The following AIFM3 variants were observed in gnomAD, a reference collection of about 807,000 sequenced individuals.
The protein encoded by AIFM3 is apoptosis-inducing factor 3.
Under a neutral mutation model 82.7 loss-of-function variants are expected in AIFM3, and 71 were observed. The observed-to-expected ratio is 0.86, with a 90% CI of 0.71 to 1.05. The LOEUF is 1.05. Among genes scored for constraint, AIFM3 ranks in the 50% least tolerant of loss-of-function variants. AIFM3 has a pLI of 0.00. For missense variants in AIFM3, 748 were observed against 816.7 expected (o/e 0.92, Z 1.03); for synonymous variants, 337 against 329.1 (o/e 1.02, Z -0.26).
rs1464730105 is a variant in AIFM3, at chr22:20,981,223, G to A, written c.*192G>A. The A allele has an allele frequency of 2.2e-5, 15 of 682,724 alleles. No individual in the cohort carries two copies. In the East Asian group the frequency reaches 3.6e-4, roughly 16 times the overall value. 42.3% of individuals were successfully genotyped at this position (682,724 alleles called of 1,614,324 possible). On this transcript the variant is annotated 3_prime_UTR_variant, in exon 21 of 21. Coordinates refer to ENST00000440238, the MANE Select transcript of AIFM3 (RefSeq NM_001386814.1). ...ATCCAGAAGATGCTCAACCCTCAAG[G>A]CCTCTGCTGCCACTGACAGCTGGCA...
chr22:20,974,656 A>G (rs1380909178), intron 7 of AIFM3, 35 bp downstream of exon 7: 6 of 1,613,086 alleles, frequency 3.7e-6, no homozygotes, highest in Non-Finnish European at 5.1e-6. Flanking sequence ...AGGGTGGGAG[A>G]TGGGATTGGT....
At chr22:20,977,342 G>A (rs188483521) in intron 14 of AIFM3, 102 of 611,762 alleles carry the variant, frequency 1.7e-4, no homozygotes, top group Admixed American at 1.5e-3. Context: ...CATGCCCTGC[G>A]AGAGTTGACA....
chr22:20,966,994 G>A (rs913314257), upstream of AIFM3: 5 of 153,390 alleles, frequency 3.3e-5, no homozygotes, highest in Non-Finnish European at 5.8e-5. Context: ...TCGGGGGTAG[G>A]GGGAGCTTAT....
rs1923441097 is a variant in AIFM3 at position 20,973,881 on chromosome 22, T to A, written c.355+14T>A. ...CCCTGGTGAAAGGTGAGCTGTCAGG[T>A]GGGAGGCGTGAGGGGGACCTTCCAG... On this transcript the variant is annotated intron_variant, in intron 4 of 20. Coordinates refer to ENST00000440238, the MANE Select transcript of AIFM3 (RefSeq NM_001386814.1). 1 of 1,512,738 alleles carries A rather than the reference T, an allele frequency of 6.6e-7. No individual in the cohort carries two copies. Among genetic ancestry groups the A allele is most frequent in the South Asian group, 1.3e-5 (1 of 77,522 alleles). The allele number at this position is 1,512,738 out of a possible 1,614,324, so 93.7% of individuals were successfully genotyped here.
Position 20,976,704 on chromosome 22 carries a change from G to C in AIFM3, c.1084G>C (p.Glu362Gln). ...TEKAHSVSVV[E>Q]LEETPFRRFL... ...GAAGGCCCACTCTGTGTCTGTGGTG[G>C]AGCTGGAGGAGACGCCCTTCAGGAG... The change falls in exon 12 of 21, where the codon GAG (glutamate) becomes CAG (glutamine). Residue 362 changes from glutamate to glutamine, a missense_variant. Glu to Gln is a conservative substitution (Grantham distance 29, BLOSUM62 2). Around this residue, in one of 5 missense-constraint regions of AIFM3, gnomAD observed 393 missense variants for 481.1 expected, o/e 0.82. Coordinates refer to ENST00000440238, the MANE Select transcript of AIFM3 (RefSeq NM_001386814.1). 1 of 1,609,158 alleles carries C rather than the reference G, an allele frequency of 6.2e-7. No individual in the cohort carries two copies. The highest frequency in any genetic ancestry group is 8.5e-7 in the Non-Finnish European group (1 of 1,177,692).
chr22:20,974,442 T>G, intron 6 of AIFM3, 83 bp from the exon 7 acceptor site: 1 of 1,562,006 alleles, frequency 6.4e-7, no homozygotes, highest in Non-Finnish European at 8.7e-7. Context: ...GGGATGAGGC[T>G]GGGCTGGAGC....
chr22:20,973,140 G>A (rs1923377931), intron 2 of AIFM3, 167 bp from the exon 3 acceptor site: 2 of 787,528 alleles, frequency 2.5e-6, no homozygotes, highest in Non-Finnish European at 4.1e-6. Flanking sequence ...CTTCGTGCCA[G>A]GTTTAAGGCT....
At position 20,974,800 on chromosome 22, in the gene AIFM3, G is replaced by C; in HGVS notation, c.704G>C (p.Arg235Pro). The change falls in exon 8 of 21, where the codon CGT (arginine) becomes CCT (proline). Residue 235 changes from arginine (R) to proline (P), a missense_variant. Coordinates refer to ENST00000440238, the MANE Select transcript of AIFM3 (RefSeq NM_001386814.1). ...CTAGACCGGCACCTTCCCTACGACC[G>C]TCCCAAGCTCAGCAAGGTACAGGGG... is the stretch of plus-strand genomic sequence containing the variant. ...CTLDRHLPYD[R>P]PKLSKSLDTQ... The C allele has an allele frequency of 6.2e-7, 1 of 1,612,554 alleles. No individual in the cohort carries two copies. Among genetic ancestry groups the C allele is most frequent in the Non-Finnish European group, 8.5e-7 (1 of 1,179,828 alleles).
At position 20,979,267 on chromosome 22, in the gene AIFM3, G is replaced by A. The variant is rs762625468; in HGVS notation, c.1478-4G>A. The A allele has an allele frequency of 1.3e-6, 2 of 1,553,652 alleles. No homozygotes were observed. ...TAGGGTTCTCACGGCCCTGGGTCCC[G>A]CAGGGCGCGTGGCAGCCCAGAACAT... is the stretch of plus-strand genomic sequence containing the variant. On this transcript the variant is annotated splice_polypyrimidine_tract_variant and splice_region_variant and intron_variant, in intron 16 of 20. Coordinates refer to ENST00000440238, the MANE Select transcript of AIFM3 (RefSeq NM_001386814.1).
Position 20,980,053 on chromosome 22 carries a change from C to G in AIFM3, c.1686C>G (p.Asn562Lys), listed in dbSNP as rs765167570. ...GDEVIAVASM[N>K]YDPIVSKVAE... is the part of the protein sequence containing the mutation. ...AGGTGATCGCCGTGGCCAGCATGAA[C>G]TACGATCCCATTGTGTCCAAGGTCG... Residue 562 changes from asparagine to lysine, a missense_variant, in exon 19 of 21, where the codon AAC (asparagine) becomes AAG (lysine). Asn to Lys is a moderately conservative substitution (Grantham distance 94). Around this residue, in one of 5 missense-constraint regions of AIFM3, gnomAD observed 183 missense variants for 158.2 expected, o/e 1.16. Coordinates refer to ENST00000440238, the MANE Select transcript of AIFM3 (RefSeq NM_001386814.1). The G allele has an allele frequency of 1.2e-6, 2 of 1,611,606 alleles. No individual in the cohort carries two copies. Among genetic ancestry groups the G allele is most frequent in the South Asian group, 2.2e-5 (2 of 91,082 alleles).
At chr22:20,980,887 CACAGA>C in intron 20 of AIFM3, 100 bp from the exon 21 acceptor site, 1 of 1,601,610 alleles carries the variant, frequency 6.2e-7, no homozygotes, top group Non-Finnish European at 8.6e-7. Flanking sequence ...TAGGGTCTGG[CACAGA>C]ACAGACCCCC....
Position 20,967,862 on chromosome 22 carries a change from T to C in AIFM3, c.-83T>C, listed in dbSNP as rs558725184. 7 of 1,502,924 alleles carry C rather than the reference T, an allele frequency of 4.7e-6. No homozygotes were observed. The African/African-American group carries it at 9.6e-5, about 21-fold the overall frequency. 93.1% of individuals were successfully genotyped at this position (1,502,924 alleles called of 1,614,324 possible). On this transcript the variant is annotated 5_prime_UTR_variant, in exon 2 of 21. Coordinates refer to ENST00000440238, the MANE Select transcript of AIFM3 (RefSeq NM_001386814.1). ...CAGCGTCTCTAAGGCCTGCAGGGGG[T>C]CCAGCCCCATGGGGGGCGCCCTAGG... is the stretch of plus-strand genomic sequence containing the variant.
chr22:20,974,469 C>G lies in AIFM3; in HGVS notation c.511-56C>G, dbSNP rs568287583. 2.0e-4 allele frequency: 312 copies of G among 1,580,848 alleles called. No homozygotes were observed. In the African/African-American group the frequency reaches 3.8e-3, roughly 19 times the overall value. On this transcript the variant is annotated intron_variant, in intron 6 of 20. Coordinates refer to ENST00000440238, the MANE Select transcript of AIFM3 (RefSeq NM_001386814.1). ...GGCTGGAGCGCCAGGACCTGCCTGC[C>G]AGGATGATGGCATGCAGAGGATGGC...
chr22:20,978,428 C>A (rs536338289), intron 16 of AIFM3, among the ~76,000 whole-genome samples: 1 of 152,198 alleles, frequency 6.6e-6, no homozygotes, highest in South Asian at 2.1e-4. Flanking sequence ...AGCCCAGAGA[C>A]GTGGGCTCAG....
At chr22:20,973,982 G>A in intron 4 of AIFM3, 81 bp from the exon 5 acceptor site, 1 of 1,500,188 alleles carries the variant, frequency 6.7e-7, no homozygotes, top group South Asian at 1.3e-5. Context: ...CTGTGGGGAG[G>A]GGCCCGCAGT....
At chr22:20,976,186 G>A in intron 9 of AIFM3, 29 bp from the exon 10 acceptor site, 1 of 1,606,456 alleles carries the variant, frequency 6.2e-7, no homozygotes, top group East Asian at 2.2e-5. Context: ...CCATGCCCAA[G>A]CTCATGCTCT....
intron 6 of AIFM3, 38 bp from the exon 7 acceptor site, chr22:20,974,487 A>C (rs1437703573): frequency 6.3e-7 from 1 of 1,592,530 alleles, no homozygotes; most frequent in Non-Finnish European, 8.6e-7. Flanking sequence ...TGGCATGCAG[A>C]GGATGGCAGT....
At position 20,977,100 on chromosome 22, in the gene AIFM3, G is replaced by T. The variant is rs201948558; in HGVS notation, c.1282+5G>T. On this transcript the variant is annotated splice_donor_5th_base_variant and intron_variant, in intron 14 of 20. Coordinates refer to ENST00000440238, the MANE Select transcript of AIFM3 (RefSeq NM_001386814.1). ...ACGTCTGCGTGGTGGGCATTGGTGA[G>T]TTGGTGTGTGGGCAGGCAGGCACAA... 2.8e-4 allele frequency: 451 copies of T among 1,613,926 alleles called. No individual in the cohort carries two copies. Among genetic ancestry groups the T allele is most frequent in the Non-Finnish European group, 3.5e-4 (418 of 1,180,030 alleles).
chr22:20,977,733 G>T lies in AIFM3; in HGVS notation c.1316G>T (p.Ser439Ile). 1 of 1,614,202 alleles carries T rather than the reference G, an allele frequency of 6.2e-7. No individual in the cohort carries two copies. Among genetic ancestry groups the T allele is most frequent in the South Asian group, 1.1e-5 (1 of 91,090 alleles). Reference sequence around the variant, plus strand: ...CCCGCCACAGGCTTCCTGAGGCAAAGCGGCATCGGTTTGGATTCCCGAGGC... The same window carrying T: ...CCCGCCACAGGCTTCCTGAGGCAAATCGGCATCGGTTTGGATTCCCGAGGC... Reference protein sequence around the residue: ...AVPATGFLRQSGIGLDSRGFI... With the variant: ...AVPATGFLRQIGIGLDSRGFI... Residue 439 changes from serine to isoleucine, a missense_variant, in exon 15 of 21, where the codon AGC becomes ATC. By Grantham distance (142) the Ser-to-Ile change is moderately radical. Around this residue, in one of 5 missense-constraint regions of AIFM3, gnomAD observed 393 missense variants for 481.1 expected, o/e 0.82. Transcript: ENST00000440238.
Sources: gnomAD v4.1 joint callset for allele counts (sites outside exome capture counted in the v4.1 genomes callset) on GRCh38, gnomAD v4.1.1 for gene constraint, gnomAD v4.1.1 regional missense constraint, MANE v1.5 for transcripts, NCBI Gene and HGNC (gene_info 2026-07-23, HGNC 2026-07-21) for gene names.